The following IFT88 variants were observed in gnomAD, a reference collection of about 807,000 sequenced individuals.
The protein encoded by IFT88 is intraflagellar transport protein 88 homolog.
IFT88 carries 74 observed loss-of-function variants against 119.5 expected under a neutral mutation model. That is an observed-to-expected ratio of 0.62 (90% confidence interval 0.51 to 0.75). The LOEUF (loss-of-function observed/expected upper bound fraction) is 0.75. Among genes scored for constraint, IFT88 ranks in the 30% least tolerant of loss-of-function variants. The pLI, the probability that IFT88 is intolerant of heterozygous loss-of-function variation, is 0.00. For synonymous variants in IFT88, 279 were observed against 316.7 expected (o/e 0.88, Z 1.26); for missense variants, 961 against 977.7 (o/e 0.98, Z 0.23).
chr13:20,647,859 C>A (rs2050977159), intron 20 of IFT88, among the ~76,000 whole-genome samples: 1 of 152,072 alleles, frequency 6.6e-6, no homozygotes, highest in Non-Finnish European at 1.5e-5. Context: ...CCAGTGAATT[C>A]TATGTAGGAA....
intron 14 of IFT88, among the ~76,000 whole-genome samples, chr13:20,623,052 C>A (rs2046777769): frequency 1.3e-5 from 2 of 152,142 alleles, no homozygotes; most frequent in Admixed American, 6.6e-5. Context: ...GTTTTCCTGG[C>A]ATTGTTTGTT....
chr13:20,656,820 G>T (rs1053148643), intron 22 of IFT88, among the ~76,000 whole-genome samples: 3 of 152,120 alleles, frequency 2.0e-5, no homozygotes, highest in African/African-American at 7.2e-5. Context: ...TAATTTTAGG[G>T]TTTATAAAAA....
At chr13:20,599,243 G>A (rs557689184) in intron 10 of IFT88, among the ~76,000 whole-genome samples, 1 of 152,118 alleles carries the variant, frequency 6.6e-6, no homozygotes, top group East Asian at 1.9e-4. Context: ...TTGTTTTCTA[G>A]CCATAGTTTC....
At chr13:20,596,087 A>AAATAG (rs1412633633) in intron 7 of IFT88, 63 bp from the exon 8 acceptor site, 13 of 478,528 alleles carry the variant, frequency 2.7e-5, no homozygotes, top group Admixed American at 7.5e-5. Context: ...AAATAAAATA[A>AAATAG]ATTTTAGTAT....
chr13:20,686,435 TC>T (rs1207319363), intron 24 of IFT88, among the ~76,000 whole-genome samples: 2 of 152,230 alleles, frequency 1.3e-5, no homozygotes, highest in Non-Finnish European at 2.9e-5. Flanking sequence ...ATTGTAAAGT[TC>T]CTGAAGGCAG....
At chr13:20,622,086 A>C (rs959232265) in intron 14 of IFT88, among the ~76,000 whole-genome samples, 11 of 152,060 alleles carry the variant, frequency 7.2e-5, no homozygotes, top group African/African-American at 2.7e-4. Flanking sequence ...TTGGATTTTG[A>C]GGTTTCTTGG....
chr13:20,636,379 A>G (rs1357685975), intron 16 of IFT88, among the ~76,000 whole-genome samples: 1 of 152,204 alleles, frequency 6.6e-6, no homozygotes, highest in Non-Finnish European at 1.5e-5. Context: ...TACCTTAGCA[A>G]GTCCTGGTTC....
intron 14 of IFT88, among the ~76,000 whole-genome samples, chr13:20,617,959 T>C (rs1302590322): frequency 2.0e-5 from 3 of 152,096 alleles, no homozygotes; most frequent in Admixed American, 6.6e-5. Flanking sequence ...ATAATTTTTG[T>C]ATTTTTAGTA....
intron 12 of IFT88, 68 bp from the exon 13 acceptor site, chr13:20,604,967 A>G: frequency 1.2e-6 from 1 of 826,616 alleles, no homozygotes. Flanking sequence ...AAACAAAACA[A>G]AACAAAAATT....
chr13:20,614,523 G>T (rs1338611490), intron 13 of IFT88: 1 of 152,128 alleles, frequency 6.6e-6, no homozygotes, highest in Non-Finnish European at 1.5e-5. Context: ...TGATAAAATT[G>T]TAGAACTGGA....
intron 2 of IFT88, among the ~76,000 whole-genome samples, chr13:20,576,026 C>T (rs2037316007): frequency 6.6e-6 from 1 of 152,192 alleles, no homozygotes; most frequent in African/African-American, 2.4e-5. Flanking sequence ...TTCTCACCAC[C>T]ATTTGTTATT....
In IFT88 at chr13:20,601,789, G is replaced by A. The variant is rs2042629548; in HGVS notation, c.897G>A (p.Met299Ile). The change falls in exon 12 of 26, where the codon ATG becomes ATA. Residue 299 changes from methionine (M) to isoleucine (I), a missense_variant. By Grantham distance (10) the Met-to-Ile change is conservative. Transcript: ENST00000351808. ...CTATTAATTCATATGAGCACATAATGAGCATGGCACCAAATCTGAAGGCAG... is the reference window on the plus strand; with the variant it reads ...CTATTAATTCATATGAGCACATAATAAGCATGGCACCAAATCTGAAGGCAG... ...SDAINSYEHI[M>I]SMAPNLKAGY... The A allele has an allele frequency of 1.9e-6, 3 of 1,613,424 alleles. No individual in the cohort carries two copies. The highest frequency in any genetic ancestry group is 8.5e-7 in the Non-Finnish European group (1 of 1,179,416).
chr13:20,663,042 G>A (rs1037517143), intron 22 of IFT88, among the ~76,000 whole-genome samples: 1 of 152,178 alleles, frequency 6.6e-6, no homozygotes, highest in Non-Finnish European at 1.5e-5. Context: ...TATCTTCCTA[G>A]TGCTTTGCAC....
At chr13:20,652,411 C>T (rs898014687) in intron 20 of IFT88, among the ~76,000 whole-genome samples, 3 of 151,856 alleles carry the variant, frequency 2.0e-5, no homozygotes, top group African/African-American at 7.3e-5. Context: ...ATGAGACAGG[C>T]GGATCGCTTG....
chr13:20,587,165 G>A (rs1487806801), intron 3 of IFT88, among the ~76,000 whole-genome samples: 1 of 151,808 alleles, frequency 6.6e-6, no homozygotes, highest in Admixed American at 6.6e-5. Flanking sequence ...TTCCACGATG[G>A]GTACAGTGTA....
chr13:20,625,805 A>G lies in IFT88; in HGVS notation c.1255A>G (p.Ile419Val). 1 of 1,605,220 alleles carries G rather than the reference A, an allele frequency of 6.2e-7. No homozygotes were observed. Among genetic ancestry groups the G allele is most frequent in the Admixed American group, 1.7e-5 (1 of 57,390 alleles). ...TGTAGAGCTAGCCAATGATCTGGAA[A>G]TAAACAAAGCAGTTACATACTTGAG... ...QYVELANDLEINKAVTYLRQK... is the reference protein window; with the variant it reads ...QYVELANDLEVNKAVTYLRQK... The change falls in exon 15 of 26, where the codon ATA becomes GTA. Residue 419 changes from isoleucine to valine, a missense_variant. Transcript: ENST00000351808.
intron 20 of IFT88, among the ~76,000 whole-genome samples, chr13:20,651,775 A>C (rs2051755500): frequency 6.6e-6 from 1 of 152,118 alleles, no homozygotes; most frequent in Admixed American, 6.5e-5. Flanking sequence ...ATAGGAAAAA[A>C]AATAGTATAT....
At chr13:20,688,307 A>G (rs890818823) in intron 24 of IFT88, among the ~76,000 whole-genome samples, 1 of 152,232 alleles carries the variant, frequency 6.6e-6, no homozygotes, top group Non-Finnish European at 1.5e-5. Flanking sequence ...AGATCACACC[A>G]TCGCACTCCA....
At chr13:20,640,828 C>T (rs1325475904) in intron 17 of IFT88, among the ~76,000 whole-genome samples, 1 of 151,668 alleles carries the variant, frequency 6.6e-6, no homozygotes, top group African/African-American at 2.4e-5. Context: ...TGGAGAATCC[C>T]CACCCTAACA....
Sources: gnomAD v4.1 joint callset for allele counts (sites outside exome capture counted in the v4.1 genomes callset) on GRCh38, gnomAD v4.1.1 for gene constraint, MANE v1.5 for transcripts, NCBI Gene and HGNC (gene_info 2026-07-23, HGNC 2026-07-21) for gene names.